The following INTS1 variants were observed in gnomAD, a reference collection of about 807,000 sequenced individuals.
INTS1 encodes integrator complex subunit 1.
INTS1 carries 137 observed loss-of-function variants against 241.6 expected under a neutral mutation model. The observed-to-expected ratio is 0.57, with a 90% CI of 0.49 to 0.65. The LOEUF (loss-of-function observed/expected upper bound fraction) is 0.65. Ranked by LOEUF, INTS1 falls within the 30% of genes least tolerant of loss-of-function variation. The probability of loss-of-function intolerance (pLI) is 0.00; values close to 1 mark genes in which losing one functional copy is unlikely to be tolerated. For synonymous variants in INTS1, 1,692 were observed against 1,337.8 expected (o/e 1.26, Z -5.78); for missense variants, 3,073 against 3,032.2 (o/e 1.01, Z -0.32).
chr7:1,477,747 G>A lies in INTS1; in HGVS notation c.4814+6C>T, dbSNP rs1408773352. The A allele has an allele frequency of 6.2e-7, 1 of 1,611,768 alleles. No individual in the cohort carries two copies. Among genetic ancestry groups the A allele is most frequent in the African/African-American group, 1.3e-5 (1 of 75,050 alleles). On this transcript the variant is annotated splice_donor_region_variant and intron_variant, in intron 34 of 47. Coordinates refer to ENST00000404767, the MANE Select transcript of INTS1 (RefSeq NM_001080453.3). The stretch of plus-strand genomic sequence containing the variant: ...CACCCTGGCCGTGTGCAGCACCCCA[G>A]CTCACCTGCCACCGTCCGCACCCGG...
At chr7:1,471,071 C>G in intron 46 of INTS1, 62 bp downstream of exon 46, 3 of 1,526,740 alleles carry the variant, frequency 2.0e-6, no homozygotes, top group Non-Finnish European at 2.7e-6. Context: ...GCGGGTCAAG[C>G]GGTGACCTGG....
intron 18 of INTS1, 81 bp downstream of exon 18, chr7:1,489,263 C>A: frequency 9.2e-7 from 1 of 1,092,138 alleles, no homozygotes; most frequent in East Asian, 2.6e-5. Context: ...ACCCAGGAGA[C>A]AGCAGGGAAC....
rs570770622 is a variant in INTS1 at position 1,471,859 on chromosome 7, C to T, written c.6185-218G>A. 7.7e-5 allele frequency: 46 copies of T among 596,644 alleles called. No homozygotes were observed. In the East Asian group the frequency reaches 1.2e-3, roughly 16 times the overall value. The allele number at this position is 596,644 out of a possible 1,614,324, so 37.0% of individuals were successfully genotyped here. On this transcript the variant is annotated intron_variant, in intron 44 of 47. Coordinates refer to ENST00000404767, the MANE Select transcript of INTS1 (RefSeq NM_001080453.3). ...TGGCCTCCAAGGAGAGGGGTTGACC[C>T]CTCACGGCAGCCCCATATCCAGGGT...
intron 24 of INTS1, among the ~76,000 whole-genome samples, chr7:1,484,374 A>G (rs1782147807): frequency 6.6e-6 from 1 of 152,190 alleles, no homozygotes; most frequent in African/African-American, 2.4e-5. Context: ...CACGACTCTC[A>G]CAGCCAGGGA....
chr7:1,476,874 C>T lies in INTS1; in HGVS notation c.4983G>A (p.Leu1661=). Residue 1661 remains leucine, a synonymous_variant, in exon 36 of 48, where the codon CTG becomes CTA. Transcript: ENST00000404767. The part of the protein sequence containing the change: ...AQVPSFRPYL[L]TLFTHQSSWP... ...AGCTGGACTGATGCGTGAAGAGGGTCAGGAGGTAGGGACGGAACGAGGGCA... is the reference window on the plus strand; with the variant it reads ...AGCTGGACTGATGCGTGAAGAGGGTTAGGAGGTAGGGACGGAACGAGGGCA... The T allele has an allele frequency of 6.2e-7, 1 of 1,612,776 alleles. No individual in the cohort carries two copies. The highest frequency in any genetic ancestry group is 1.3e-5 in the African/African-American group (1 of 75,024).
chr7:1,472,931 G>A (rs1410793109), intron 43 of INTS1, 141 bp downstream of exon 43: 18 of 575,254 alleles, frequency 3.1e-5, no homozygotes, highest in Non-Finnish European at 4.6e-5. Flanking sequence ...GTGGGTCAGG[G>A]GCCAGCCAGC....
intron 3 of INTS1, among the ~76,000 whole-genome samples, chr7:1,501,536 C>T (rs920836663): frequency 1.3e-5 from 2 of 152,150 alleles, no homozygotes; most frequent in African/African-American, 4.8e-5. Context: ...AGTGATCTAC[C>T]ACTCAGAATA....
chr7:1,478,630 A>G, intron 32 of INTS1, 96 bp downstream of exon 32: 1 of 1,489,056 alleles, frequency 6.7e-7, no homozygotes, highest in South Asian at 1.3e-5. Context: ...CCCCCAAGCC[A>G]CTGCCCAGGC....
In INTS1 at chr7:1,484,164, C is replaced by T. The variant is rs765047504; in HGVS notation, c.3268G>A (p.Ala1090Thr). ...AQHSDLALDV[A>T]RLVVERSTIM... ...GTGGAGCGCTCCACGACCAGCCGGGCCACGTCCTGGTGTGTGGACAGGGGG... is the reference window on the plus strand; with the variant it reads ...GTGGAGCGCTCCACGACCAGCCGGGTCACGTCCTGGTGTGTGGACAGGGGG... Residue 1090 changes from alanine to threonine, a missense_variant, in exon 25 of 48, where the codon GCC becomes ACC. Ala to Thr is a moderately conservative substitution (Grantham distance 58, BLOSUM62 0). Coordinates refer to ENST00000404767, the MANE Select transcript of INTS1 (RefSeq NM_001080453.3). The T allele has an allele frequency of 1.1e-5, 17 of 1,609,554 alleles. No individual in the cohort carries two copies.
intron 33 of INTS1, 22 bp from the exon 34 acceptor site, chr7:1,477,958 A>G (rs1179401236): frequency 2.5e-6 from 4 of 1,609,020 alleles, no homozygotes; most frequent in Non-Finnish European, 3.4e-6. Flanking sequence ...ACAAAGAGAC[A>G]TGTGGGTCAC....
At chr7:1,488,641 CCCA>C (rs1169329282) in intron 18 of INTS1, among the ~76,000 whole-genome samples, 2 of 152,158 alleles carry the variant, frequency 1.3e-5, no homozygotes, top group South Asian at 2.1e-4. Flanking sequence ...ACACCTGGTC[CCCA>C]CAATACCAGG....
At chr7:1,480,756 C>G (rs990493441) in intron 29 of INTS1, 79 bp downstream of exon 29, 1 of 1,195,544 alleles carries the variant, frequency 8.4e-7, no homozygotes, top group Admixed American at 2.1e-5. Flanking sequence ...CCCCGTCCCC[C>G]TCCCCAGGCT....
chr7:1,478,033 T>C (rs534699030), intron 33 of INTS1, 97 bp from the exon 34 acceptor site: 19 of 1,011,874 alleles, frequency 1.9e-5, no homozygotes, highest in Middle Eastern at 2.4e-4. Flanking sequence ...GGGGTGAGCA[T>C]GTGTGGGACA....
chr7:1,485,179 G>C lies in INTS1; in HGVS notation c.3180C>G (p.Pro1060=), dbSNP rs1782194680. 2 of 1,600,580 alleles carry C rather than the reference G, an allele frequency of 1.2e-6. No homozygotes were observed. The highest frequency in any genetic ancestry group is 1.7e-6 in the Non-Finnish European group (2 of 1,179,630). ...AGATCAGGTAGGCGCTGATGGTCTG[G>C]GGATCAGTCTCCATGTGGATTGCCT... ...LQQAIHMETD[P]QTISAYLIYL... The change falls in exon 24 of 48, where the codon CCC becomes CCG. Residue 1060 remains proline (P), a synonymous_variant. Coordinates refer to ENST00000404767, the MANE Select transcript of INTS1 (RefSeq NM_001080453.3).
Position 1,500,092 on chromosome 7 carries a change from G to A in INTS1, c.547-71C>T, listed in dbSNP as rs192287916. The stretch of plus-strand genomic sequence containing the variant: ...AGGCAAAGCTGGGGTGGGCCGGGAG[G>A]GACACTTAAGGGGGAGGTGAGGAGG... On this transcript the variant is annotated intron_variant, in intron 4 of 47. Coordinates refer to ENST00000404767, the MANE Select transcript of INTS1 (RefSeq NM_001080453.3). The A allele has an allele frequency of 6.0e-3, 9,527 of 1,593,824 alleles. 31 individuals are homozygous for A. Among genetic ancestry groups the A allele is most frequent in the Non-Finnish European group, 6.7e-3 (7,835 of 1,168,192 alleles).
chr7:1,503,134 G>A lies in INTS1; in HGVS notation c.116C>T (p.Ser39Leu), dbSNP rs758256915. Residue 39 changes from serine (S) to leucine (L), a missense_variant, in exon 3 of 48, where the codon TCG (serine) becomes TTG (leucine). Ser to Leu is a moderately radical substitution (Grantham distance 145, BLOSUM62 -2). Transcript: ENST00000404767. Reference sequence around the variant, plus strand: ...CTTCAGCAGGGTGGACGCCGTTTTCGATTCATTGGCCTGACCCTTTGAGCC... The same window carrying A: ...CTTCAGCAGGGTGGACGCCGTTTTCAATTCATTGGCCTGACCCTTTGAGCC... Reference protein sequence around the residue: ...ALGSKGQANESKTASTLLKPA... With the variant: ...ALGSKGQANELKTASTLLKPA... 3.8e-6 allele frequency: 6 copies of A among 1,592,866 alleles called. No homozygotes were observed. The highest frequency in any genetic ancestry group is 1.7e-5 in the Admixed American group (1 of 58,070).
At chr7:1,476,106 G>C in intron 38 of INTS1, 35 bp from the exon 39 acceptor site, 5 of 1,530,120 alleles carry the variant, frequency 3.3e-6, no homozygotes, top group Non-Finnish European at 4.4e-6. Context: ...CCAGGCGGAC[G>C]GGGCCCCAGT....
Position 1,478,464 on chromosome 7 carries a change from C to A in INTS1, c.4532G>T (p.Arg1511Leu), listed in dbSNP as rs541004475. Residue 1511 changes from arginine to leucine, a missense_variant, in exon 33 of 48, where the codon CGT (arginine) becomes CTT (leucine). By Grantham distance (102) the Arg-to-Leu change is moderately radical. Transcript: ENST00000404767. The stretch of plus-strand genomic sequence containing the variant: ...GGAGCTGACCACCTCCAGGTCCTGA[C>A]GGAAGGCCAGGGCCTCGGCCAGGCG... ...LLRLAEALAF[R>L]QDLEVVSSTV... The A allele has an allele frequency of 1.2e-6, 2 of 1,612,306 alleles. No homozygotes were observed. Among genetic ancestry groups the A allele is most frequent in the African/African-American group, 1.3e-5 (1 of 75,062 alleles).
chr7:1,498,948 G>GCCC, intron 8 of INTS1, 27 bp downstream of exon 8: 1 of 946,730 alleles, frequency 1.1e-6, no homozygotes, highest in Non-Finnish European at 1.4e-6. Context: ...CCCCTGCCCC[G>GCCC]CCCACCCCCC....
Sources: gnomAD v4.1 joint callset for allele counts (sites outside exome capture counted in the v4.1 genomes callset) on GRCh38, gnomAD v4.1.1 for gene constraint, MANE v1.5 for transcripts, NCBI Gene and HGNC (gene_info 2026-07-23, HGNC 2026-07-21) for gene names.